The following TMEM191B variants were observed in gnomAD, a reference collection of about 807,000 sequenced individuals.
TMEM191B encodes transmembrane protein 191B.
A neutral mutation model predicts 26.6 loss-of-function variants in TMEM191B; 8 were observed. That is an observed-to-expected ratio of 0.30 (90% confidence interval 0.18 to 0.54). The LOEUF (loss-of-function observed/expected upper bound fraction) is 0.54, where lower values mean the gene tolerates loss of function less well. Among genes scored for constraint, TMEM191B ranks in the 20% least tolerant of loss-of-function variants. The pLI, the probability that TMEM191B is intolerant of heterozygous loss-of-function variation, is 0.94. For synonymous variants in TMEM191B, 29 were observed against 113.7 expected (o/e 0.26, Z 4.74); for missense variants, 64 against 241.2 (o/e 0.27, Z 4.87).
chr22:18,528,995 C>T (rs1932835359), intron 3 of TMEM191B, 24 bp from the exon 4 acceptor site: 1 of 528,564 alleles, frequency 1.9e-6, no homozygotes, highest in African/African-American at 4.7e-5. Flanking sequence ...CGGTAAACCC[C>T]GCCCTTACAA....
rs532634267 is a variant in TMEM191B at position 18,528,683 on chromosome 22, G to T, written c.420+1G>T. On this transcript the variant is annotated splice_donor_variant, in intron 2 of 8. Coordinates refer to ENST00000612978, the MANE Select transcript of TMEM191B (RefSeq NM_001242313.1). LOFTEE classifies it high-confidence loss of function. ...GGCGGAGCGCCACAAGGAGGACTTGGTGAGGAAGAGTCCTAGAATGGGGCT... is the reference window on the plus strand; with the variant it reads ...GGCGGAGCGCCACAAGGAGGACTTGTTGAGGAAGAGTCCTAGAATGGGGCT... The T allele has an allele frequency of 2.3e-3, 3,285 of 1,445,672 alleles. 13 individuals are homozygous for T. The highest frequency in any genetic ancestry group is 3.2e-3 in the Admixed American group (128 of 40,604). The allele number at this position is 1,445,672 out of a possible 1,614,324, so 89.6% of individuals were successfully genotyped here.
chr22:18,529,528 G>A (rs1932843790), intron 5 of TMEM191B, 31 bp downstream of exon 5: 2 of 475,982 alleles, frequency 4.2e-6, no homozygotes, highest in Admixed American at 4.2e-5. Context: ...TGTTGGAGGA[G>A]GGTAGGCTTT....
At position 18,528,269 on chromosome 22, in the gene TMEM191B, G is replaced by C; in HGVS notation, c.289G>C (p.Glu97Gln). 1.7e-6 allele frequency: 1 copy of C among 597,328 alleles called. No individual in the cohort carries two copies. The highest frequency in any genetic ancestry group is 2.3e-6 in the Non-Finnish European group (1 of 438,316). 37.0% of individuals were successfully genotyped at this position (597,328 alleles called of 1,614,324 possible). ...NQRLQDLSER[E>Q]RSLLRRRSQA... Reference sequence around the variant, plus strand: ...GCGCCTGCAGGACCTGAGCGAGCGGGAGCGGAGGTGCGCGGGGAACGCCGC... The same window carrying C: ...GCGCCTGCAGGACCTGAGCGAGCGGCAGCGGAGGTGCGCGGGGAACGCCGC... Residue 97 changes from glutamate to glutamine, a missense_variant, in exon 1 of 9, where the codon GAG (glutamate) becomes CAG (glutamine). Physicochemically the swap from Glu to Gln is conservative, Grantham distance 29. Around this residue, in one of 5 missense-constraint regions of TMEM191B, gnomAD observed 16 missense variants for 50.5 expected, o/e 0.32. Transcript: ENST00000612978.
chr22:18,529,188 G>C (rs1412091791), intron 4 of TMEM191B, 95 bp downstream of exon 4: 1 of 995,114 alleles, frequency 1.0e-6, no homozygotes, highest in Non-Finnish European at 1.4e-6. Context: ...GGCAGGCCCT[G>C]AAGGCGTGGG....
chr22:18,527,971 G>A lies in TMEM191B; in HGVS notation c.-10G>A, dbSNP rs1932823806. The A allele has an allele frequency of 8.9e-6, 3 of 335,944 alleles. No homozygotes were observed. Among genetic ancestry groups the A allele is most frequent in the Non-Finnish European group, 1.4e-5 (3 of 207,422 alleles). 20.8% of individuals were successfully genotyped at this position (335,944 alleles called of 1,614,324 possible). On this transcript the variant is annotated 5_prime_UTR_variant, in exon 1 of 9. Coordinates refer to ENST00000612978, the MANE Select transcript of TMEM191B (RefSeq NM_001242313.1). The stretch of plus-strand genomic sequence containing the variant: ...GGCCTGACCCGCCTCCGGCCGGCGT[G>A]AGAAGGGGCATGTGTCGGGCTACGC...
intron 4 of TMEM191B, 22 bp downstream of exon 4, chr22:18,529,115 G>C: frequency 1.0e-6 from 1 of 989,824 alleles, no homozygotes; most frequent in South Asian, 1.6e-5. Context: ...GGACCCTGAG[G>C]TCTTTAGTAG....
At position 18,529,267 on chromosome 22, in the gene TMEM191B, A is replaced by G. The variant is rs1245003516; in HGVS notation, c.546+174A>G. 104 of 539,182 alleles carry G rather than the reference A, an allele frequency of 1.9e-4. 1 individual carries two copies. In the African/African-American group the frequency reaches 2.7e-3, roughly 14 times the overall value. The allele number at this position is 539,182 out of a possible 1,614,324, so 33.4% of individuals were successfully genotyped here. Reference sequence around the variant, plus strand: ...GCTCTGAGGGCTAGAATAGGGGCGGAGCGCGGAGGGGGCGTGGCCATGACC... The same window carrying G: ...GCTCTGAGGGCTAGAATAGGGGCGGGGCGCGGAGGGGGCGTGGCCATGACC... On this transcript the variant is annotated intron_variant, in intron 4 of 8. Coordinates refer to ENST00000612978, the MANE Select transcript of TMEM191B (RefSeq NM_001242313.1).
At position 18,528,233 on chromosome 22, in the gene TMEM191B, A is replaced by C. The variant is rs1932825749; in HGVS notation, c.253A>C (p.Ser85Arg). The C allele has an allele frequency of 1.2e-6, 1 of 829,192 alleles. No individual in the cohort carries two copies. The highest frequency in any genetic ancestry group is 1.6e-6 in the Non-Finnish European group (1 of 621,934). The allele number at this position is 829,192 out of a possible 1,614,324, so 51.4% of individuals were successfully genotyped here. A position where few individuals can be genotyped will look rare whatever the true frequency, so the allele number is the denominator to read the frequency against. ...LMRGLEAESE[S>R]LNQRLQDLSE... is the part of the protein sequence containing the mutation. Reference sequence around the variant, plus strand: ...GCGCGGGCTCGAGGCCGAGAGCGAGAGCCTCAACCAGCGCCTGCAGGACCT... The same window carrying C: ...GCGCGGGCTCGAGGCCGAGAGCGAGCGCCTCAACCAGCGCCTGCAGGACCT... Residue 85 changes from serine (S) to arginine (R), a missense_variant, in exon 1 of 9, where the codon AGC becomes CGC. Coordinates refer to ENST00000612978, the MANE Select transcript of TMEM191B (RefSeq NM_001242313.1).
chr22:18,530,401 T>C lies in TMEM191B; in HGVS notation c.983T>C (p.Leu328Pro). The stretch of plus-strand genomic sequence containing the variant: ...ACCTCGGAGACGACGCTGCGCCGCC[T>C]GCGCTACACGCTGTCCCCGCTGCTG... ...SLTSETTLRR[L>P]RYTLSPLLEL... Residue 328 changes from leucine (L) to proline (P), a missense_variant, in exon 9 of 9, where the codon CTG becomes CCG. By Grantham distance (98) the Leu-to-Pro change is moderately conservative. Transcript: ENST00000612978. 1 of 581,236 alleles carries C rather than the reference T, an allele frequency of 1.7e-6. No individual in the cohort carries two copies. The highest frequency in any genetic ancestry group is 2.9e-5 in the African/African-American group (1 of 34,312). 36.0% of individuals were successfully genotyped at this position (581,236 alleles called of 1,614,324 possible).
chr22:18,529,166 G>A, intron 4 of TMEM191B, 73 bp downstream of exon 4: 1 of 950,304 alleles, frequency 1.1e-6, no homozygotes, highest in Non-Finnish European at 1.5e-6. Context: ...ACCACCTGGG[G>A]GTGTGGCTTA....
Position 18,530,138 on chromosome 22 carries a change from G to A in TMEM191B, c.796-18G>A, listed in dbSNP as rs1932851243. ...CGCGGGCGCGGAGGTAGCTGGATGC[G>A]GCCCTCTCTCCCCGCAGGAGACGCG... On this transcript the variant is annotated intron_variant, in intron 7 of 8. Transcript: ENST00000612978. 1 of 792,982 alleles carries A rather than the reference G, an allele frequency of 1.3e-6. No individual in the cohort carries two copies. The highest frequency in any genetic ancestry group is 2.9e-5 in the African/African-American group (1 of 34,380). The allele number at this position is 792,982 out of a possible 1,614,324, so 49.1% of individuals were successfully genotyped here. A position where few individuals can be genotyped will look rare whatever the true frequency, so the allele number is the denominator to read the frequency against.
chr22:18,528,660 C>G lies in TMEM191B; in HGVS notation c.398C>G (p.Ala133Gly). Residue 133 changes from alanine to glycine, a missense_variant, in exon 2 of 9, where the codon GCG (alanine) becomes GGG (glycine). Ala to Gly is a moderately conservative substitution (Grantham distance 60, BLOSUM62 0). This residue lies in a region of TMEM191B where 16 missense variants were observed against 18.1 expected (regional missense o/e 0.88). Transcript: ENST00000612978. ...AERVRRRLEE[A>G]ERHKEDLEQH... ...CGGGTGCGCAGAAGACTGGAGGAGG[C>G]GGAGCGCCACAAGGAGGACTTGGTG... The G allele has an allele frequency of 6.7e-7, 1 of 1,485,080 alleles. No homozygotes were observed. Among genetic ancestry groups the G allele is most frequent in the Non-Finnish European group, 8.8e-7 (1 of 1,130,370 alleles). 92.0% of individuals were successfully genotyped at this position (1,485,080 alleles called of 1,614,324 possible).
At position 18,528,693 on chromosome 22, in the gene TMEM191B, G is replaced by C. The variant is rs767309404; in HGVS notation, c.420+11G>C. On this transcript the variant is annotated intron_variant, in intron 2 of 8. Transcript: ENST00000612978. Reference sequence around the variant, plus strand: ...CACAAGGAGGACTTGGTGAGGAAGAGTCCTAGAATGGGGCTGGACCCAGGG... The same window carrying C: ...CACAAGGAGGACTTGGTGAGGAAGACTCCTAGAATGGGGCTGGACCCAGGG... 2.1e-4 allele frequency: 284 copies of C among 1,385,138 alleles called. 10 individuals are homozygous for C. In the African/African-American group the frequency reaches 4.2e-3, roughly 21 times the overall value. The allele number at this position is 1,385,138 out of a possible 1,614,324, so 85.8% of individuals were successfully genotyped here.
At position 18,528,678 on chromosome 22, in the gene TMEM191B, A is replaced by C. The variant is rs1411895357; in HGVS notation, c.416A>C (p.Asp139Ala). 1 of 1,439,154 alleles carries C rather than the reference A, an allele frequency of 6.9e-7. No homozygotes were observed. Among genetic ancestry groups the C allele is most frequent in the South Asian group, 1.3e-5 (1 of 77,016 alleles). The allele number at this position is 1,439,154 out of a possible 1,614,324, so 89.1% of individuals were successfully genotyped here. Residue 139 changes from aspartate (D) to alanine (A), a missense_variant, in exon 2 of 9, where the codon GAC becomes GCC. Transcript: ENST00000612978. ...GAGGAGGCGGAGCGCCACAAGGAGG[A>C]CTTGGTGAGGAAGAGTCCTAGAATG... ...RLEEAERHKE[D>A]LEQHSRQLQE...
rs373649676 is a variant in TMEM191B, at chr22:18,528,637, G to A, written c.375G>A (p.Arg125=). 1.3e-4 allele frequency: 188 copies of A among 1,482,994 alleles called. 9 individuals carry two copies. In the East Asian group the frequency reaches 2.4e-3, roughly 19 times the overall value. 91.9% of individuals were successfully genotyped at this position (1,482,994 alleles called of 1,614,324 possible). A position where few individuals can be genotyped will look rare whatever the true frequency, so the allele number is the denominator to read the frequency against. Residue 125 remains arginine (R), a synonymous_variant, in exon 2 of 9, where the codon CGG becomes CGA. Transcript: ENST00000612978. ...AREAARERAE[R]VRRRLEEAER... Reference sequence around the variant, plus strand: ...AGGCGGCGCGGGAGCGCGCGGAGCGGGTGCGCAGAAGACTGGAGGAGGCGG... The same window carrying A: ...AGGCGGCGCGGGAGCGCGCGGAGCGAGTGCGCAGAAGACTGGAGGAGGCGG...
Position 18,527,835 on chromosome 22 carries a change from G to A in TMEM191B, c.-146G>A. On this transcript the variant is annotated 5_prime_UTR_variant, in exon 1 of 9. Coordinates refer to ENST00000612978, the MANE Select transcript of TMEM191B (RefSeq NM_001242313.1). ...TGCAAGTGCCATCTGCAGTGTGGGG[G>A]AACCAATCTTCAACTTGCCTGCATT... 1.9e-5 allele frequency: 2 copies of A among 107,456 alleles called. No individual in the cohort carries two copies. Among genetic ancestry groups the A allele is most frequent in the South Asian group, 1.1e-4 (2 of 18,164 alleles). The allele number at this position is 107,456 out of a possible 1,614,324, so 6.7% of individuals were successfully genotyped here.
chr22:18,528,943 T>TC (rs1211431868), intron 3 of TMEM191B, 76 bp downstream of exon 3: 1 of 576,196 alleles, frequency 1.7e-6, no homozygotes. Context: ...CCTTGTTGTC[T>TC]CCCCGTCCCT....
In TMEM191B at chr22:18,529,485, G is replaced by T; in HGVS notation, c.591G>T (p.Glu197Asp). The change falls in exon 5 of 9, where the codon GAG becomes GAT. Residue 197 changes from glutamate to aspartate, a missense_variant. Physicochemically the swap from Glu to Asp is conservative, Grantham distance 45 (BLOSUM62 2). This residue lies in a region of TMEM191B where 26 missense variants were observed against 127.1 expected (regional missense o/e 0.20). Coordinates refer to ENST00000612978, the MANE Select transcript of TMEM191B (RefSeq NM_001242313.1). ...LAETKCALQE[E>D]KLQQDALQTA... ...AGACCAAATGCGCCTTGCAGGAGGA[G>T]AAGCTGCAGCAGGTGAGGGCAGAAG... is the stretch of plus-strand genomic sequence containing the variant. 1 of 529,578 alleles carries T rather than the reference G, an allele frequency of 1.9e-6. No individual in the cohort carries two copies. The highest frequency in any genetic ancestry group is 3.1e-6 in the Non-Finnish European group (1 of 326,794). 32.8% of individuals were successfully genotyped at this position (529,578 alleles called of 1,614,324 possible).
At position 18,528,682 on chromosome 22, in the gene TMEM191B, G is replaced by A. The variant is rs768521490; in HGVS notation, c.420G>A (p.Leu140=). Reference sequence around the variant, plus strand: ...AGGCGGAGCGCCACAAGGAGGACTTGGTGAGGAAGAGTCCTAGAATGGGGC... The same window carrying A: ...AGGCGGAGCGCCACAAGGAGGACTTAGTGAGGAAGAGTCCTAGAATGGGGC... The part of the protein sequence containing the change: ...LEEAERHKED[L]EQHSRQLQEQ... Residue 140 remains leucine, a splice_region_variant and synonymous_variant, in exon 2 of 9, where the codon TTG becomes TTA. Transcript: ENST00000612978. 8 of 1,455,014 alleles carry A rather than the reference G, an allele frequency of 5.5e-6. No individual in the cohort carries two copies. Among genetic ancestry groups the A allele is most frequent in the South Asian group, 1.3e-5 (1 of 76,330 alleles). 90.1% of individuals were successfully genotyped at this position (1,455,014 alleles called of 1,614,324 possible).
Sources: allele counts gnomAD v4.1 joint callset, GRCh38; gene constraint gnomAD v4.1.1; regional missense constraint gnomAD v4.1.1; transcripts MANE v1.5; gene names NCBI Gene and HGNC (gene_info 2026-07-23, HGNC 2026-07-21).